Variants in TSPEAR observed in about 807,000 individuals in gnomAD.
The protein encoded by TSPEAR is thrombospondin-type laminin G domain and EAR repeat-containing protein.
TSPEAR carries 69 observed loss-of-function variants against 71.6 expected under a neutral mutation model. The observed-to-expected ratio is 0.96, with a 90% CI of 0.79 to 1.18. The LOEUF (loss-of-function observed/expected upper bound fraction) is 1.18. TSPEAR is among the 50% of genes most tolerant of loss of function. The pLI, the probability that TSPEAR is intolerant of heterozygous loss-of-function variation, is 0.00. For synonymous variants in TSPEAR, 402 were observed against 387.2 expected (o/e 1.04, Z -0.45); for missense variants, 971 against 894.9 (o/e 1.09, Z -1.09).
intron 1 of TSPEAR, chr21:44,697,766 T>G (rs1987442028): frequency 6.2e-7 from 1 of 1,613,918 alleles, no homozygotes; most frequent in Non-Finnish European, 8.5e-7. Flanking sequence ...CACCTCCTGC[T>G]GCAGACCCTC....
rs57495694 is a variant in TSPEAR, at chr21:44,698,192, G to A, written c.82+13241C>T. On this transcript the variant is annotated intron_variant, in intron 1 of 11. Coordinates refer to ENST00000323084, the MANE Select transcript of TSPEAR (RefSeq NM_144991.3). ...CCACATTCCAGGCCCCTGTGGTCTC[G>A]CCTCCTTGGAAGCTGCTGTGCCTCC... The A allele has an allele frequency of 2.8e-4, 166 of 589,480 alleles. No individual in the cohort carries two copies. In the African/African-American group the frequency reaches 2.9e-3, roughly 10 times the overall value. The allele number at this position is 589,480 out of a possible 1,614,324, so 36.5% of individuals were successfully genotyped here.
At chr21:44,530,913 C>G (rs2052956698) in intron 4 of TSPEAR, 130 bp downstream of exon 4, 2 of 763,614 alleles carry the variant, frequency 2.6e-6, no homozygotes, top group Admixed American at 4.0e-5. Context: ...GTAGAGACTC[C>G]ACGCACGCTG....
chr21:44,706,949 C>G (rs1456332570), intron 1 of TSPEAR, among the ~76,000 whole-genome samples: 1 of 152,240 alleles, frequency 6.6e-6, no homozygotes, highest in African/African-American at 2.4e-5. Context: ...GGGGTCCCCC[C>G]ACCCCCAACC....
rs782156607 is a variant in TSPEAR, at chr21:44,531,075, C to A, written c.601G>T (p.Gly201Cys). The A allele has an allele frequency of 1.2e-6, 2 of 1,613,746 alleles. No individual in the cohort carries two copies. Among genetic ancestry groups the A allele is most frequent in the South Asian group, 2.2e-5 (2 of 91,064 alleles). ...LSVKGARFFV[G>C]SRRRAKGLFM... is the part of the protein sequence containing the mutation. ...AGGCCTTTGGCTCTCCTCCGGCTGC[C>A]GACGAAGAATCGAGCTCCTTTCACT... Residue 201 changes from glycine (G) to cysteine (C), a missense_variant, in exon 4 of 12, where the codon GGC becomes TGC. Gly to Cys is a radical substitution (Grantham distance 159, BLOSUM62 -3). Transcript: ENST00000323084.
At chr21:44,517,778 A>C (rs988494522) in intron 9 of TSPEAR, 2 of 471,032 alleles carry the variant, frequency 4.2e-6, no homozygotes, top group Non-Finnish European at 4.4e-6. Context: ...CTACCTCCTG[A>C]TATCCAGGGC....
intron 1 of TSPEAR, among the ~76,000 whole-genome samples, chr21:44,597,045 C>A (rs1980409366): frequency 6.6e-6 from 1 of 152,076 alleles, no homozygotes; most frequent in South Asian, 2.1e-4. Context: ...CTTAGAATAG[C>A]CCTTTCCACT....
chr21:44,625,354 A>G (rs934904645), intron 1 of TSPEAR, among the ~76,000 whole-genome samples: 3 of 152,224 alleles, frequency 2.0e-5, no homozygotes, highest in African/African-American at 4.8e-5. Context: ...GCAATTTGGG[A>G]GGCCAAGGCA....
intron 1 of TSPEAR, chr21:44,677,377 T>A: frequency 7.1e-7 from 1 of 1,411,196 alleles, no homozygotes; most frequent in African/African-American, 1.4e-5. Context: ...GAGTGTGCAT[T>A]GACAGCCTGG....
chr21:44,551,148 C>G (rs1555918755), intron 2 of TSPEAR: 1 of 1,559,332 alleles, frequency 6.4e-7, no homozygotes, highest in Admixed American at 1.8e-5. Context: ...AGGCTTGCAG[C>G]AGACGGGCAC....
chr21:44,697,408 C>T (rs1555950804), intron 1 of TSPEAR: 8 of 1,613,606 alleles, frequency 5.0e-6, no homozygotes, highest in Non-Finnish European at 5.9e-6. Context: ...CCTGTGAGCC[C>T]AGCCCCTGCC....
intron 1 of TSPEAR, among the ~76,000 whole-genome samples, chr21:44,588,753 A>ATG (rs1217327637): frequency 7.3e-6 from 1 of 136,710 alleles, no homozygotes; most frequent in Non-Finnish European, 1.6e-5. Context: ...TATGTTATAT[A>ATG]TATGTATGTG....
At chr21:44,650,320 T>C (rs1254158104) in intron 1 of TSPEAR, among the ~76,000 whole-genome samples, 5 of 151,834 alleles carry the variant, frequency 3.3e-5, no homozygotes, top group African/African-American at 9.7e-5. Context: ...CAAGTTGAAG[T>C]GAAGTCATTA....
chr21:44,666,778 G>C, intron 1 of TSPEAR: 1 of 1,612,226 alleles, frequency 6.2e-7, no homozygotes, highest in South Asian at 1.1e-5. Flanking sequence ...CAGCCCACAG[G>C]CACACAGCAG....
At chr21:44,666,273 G>A in intron 1 of TSPEAR, 1 of 832,332 alleles carries the variant, frequency 1.2e-6, no homozygotes, top group Non-Finnish European at 1.8e-6. Context: ...GGATGGGCAA[G>A]GTCAGCAAGG....
intron 1 of TSPEAR, chr21:44,666,266 T>C: frequency 1.3e-6 from 1 of 760,196 alleles, no homozygotes; most frequent in Non-Finnish European, 2.1e-6. Flanking sequence ...CCTGGGGGGA[T>C]GGGCAAGGTC....
intron 1 of TSPEAR, among the ~76,000 whole-genome samples, chr21:44,594,240 G>A (rs1555927339): frequency 6.6e-6 from 1 of 152,170 alleles, no homozygotes; most frequent in African/African-American, 2.4e-5. Context: ...GTGACGGATG[G>A]CTAACACATA....
At chr21:44,621,446 C>T (rs1006286649) in intron 1 of TSPEAR, among the ~76,000 whole-genome samples, 11 of 152,190 alleles carry the variant, frequency 7.2e-5, no homozygotes, top group East Asian at 3.8e-4. Flanking sequence ...GCCCAGCCCC[C>T]GCCGATCAGT....
intron 1 of TSPEAR, chr21:44,675,950 A>T: frequency 1.2e-6 from 1 of 820,130 alleles, no homozygotes; most frequent in Non-Finnish European, 2.2e-6. Flanking sequence ...TTTCGTTTCT[A>T]GGGTTATTCG....
At chr21:44,635,103 G>A (rs1489129181) in intron 1 of TSPEAR, among the ~76,000 whole-genome samples, 1 of 152,126 alleles carries the variant, frequency 6.6e-6, no homozygotes, top group Non-Finnish European at 1.5e-5. Flanking sequence ...CCAGCACTTT[G>A]GGAGGCCGAG....
Sources: allele counts gnomAD v4.1 joint callset (sites outside exome capture counted in the v4.1 genomes callset), GRCh38; gene constraint gnomAD v4.1.1; transcripts MANE v1.5; gene names NCBI Gene and HGNC (gene_info 2026-07-23, HGNC 2026-07-21).